Variants in RAB31 observed in about 807,000 individuals in gnomAD.
The protein encoded by RAB31 is ras-related protein Rab-31.
Under a neutral mutation model 25.6 loss-of-function variants are expected in RAB31, and 21 were observed. That is an observed-to-expected ratio of 0.82 (90% CI 0.58 to 1.18). RAB31 has a LOEUF of 1.18. Ranked by LOEUF, RAB31 falls within the 50% of genes most tolerant of loss-of-function variation. The pLI, the probability that RAB31 is intolerant of heterozygous loss-of-function variation, is 0.00. For missense variants in RAB31, 196 were observed against 250.1 expected (o/e 0.78, Z 1.46); for synonymous variants, 87 against 84.0 (o/e 1.04, Z -0.20).
chr18:9,724,098 C>A (rs7233366), intron 1 of RAB31, among the ~76,000 whole-genome samples: 14 of 150,460 alleles, frequency 9.3e-5, no homozygotes, highest in Non-Finnish European at 1.6e-4. Flanking sequence ...GGTGAAACCC[C>A]GTCTCTACTA....
intron 1 of RAB31, among the ~76,000 whole-genome samples, chr18:9,728,050 A>C (rs1484163917): frequency 6.6e-6 from 1 of 152,234 alleles, no homozygotes; most frequent in Admixed American, 6.5e-5. Flanking sequence ...TAAAATGAAA[A>C]GTAAAAAAGA....
intron 5 of RAB31, 108 bp from the exon 6 acceptor site, chr18:9,845,474 T>C: frequency 1.1e-6 from 1 of 933,392 alleles, no homozygotes; most frequent in East Asian, 3.0e-5. Flanking sequence ...ATTATTATTC[T>C]ACAAGAAGAT....
At chr18:9,789,491 A>G (rs2068449516) in intron 2 of RAB31, among the ~76,000 whole-genome samples, 1 of 152,256 alleles carries the variant, frequency 6.6e-6, no homozygotes, top group Admixed American at 6.5e-5. Flanking sequence ...ATCACTCTGT[A>G]TCCCATAAGA....
intron 6 of RAB31, among the ~76,000 whole-genome samples, chr18:9,846,325 C>A (rs2068761853): frequency 6.6e-6 from 1 of 152,198 alleles, no homozygotes; most frequent in South Asian, 2.1e-4. Flanking sequence ...GCTCTGCCAA[C>A]ACATCTATCT....
chr18:9,803,262 G>GTT, intron 3 of RAB31, among the ~76,000 whole-genome samples: 1 of 148,772 alleles, frequency 6.7e-6, no homozygotes, highest in African/African-American at 2.5e-5. Context: ...TTTAGGCAGG[G>GTT]TCTTGCTGTG....
At chr18:9,795,954 A>C (rs911333822) in intron 3 of RAB31, among the ~76,000 whole-genome samples, 41 of 152,324 alleles carry the variant, frequency 2.7e-4, no homozygotes, top group African/African-American at 9.1e-4. Flanking sequence ...CACAATTTGC[A>C]GTTGTAAAAA....
In RAB31 at chr18:9,774,545, T is replaced by C. The variant is rs533477110; in HGVS notation, c.40-733T>C. On this transcript the variant is annotated intron_variant, in intron 1 of 6. Coordinates refer to ENST00000578921, the MANE Select transcript of RAB31 (RefSeq NM_006868.4). ...CTCAGGGACCGCTTGTCCTCCTGGA[T>C]TTTGTTGATATCACTTGTCTGGTGT... 2.0e-5 allele frequency among the ~76,000 whole-genome samples: 3 copies of C among 152,344 alleles called. No homozygotes were observed. The South Asian group carries it at 6.2e-4, about 32-fold the overall frequency.
intron 6 of RAB31, among the ~76,000 whole-genome samples, chr18:9,853,953 C>A (rs1184003604): frequency 7.9e-6 from 1 of 126,282 alleles, no homozygotes; most frequent in Non-Finnish European, 1.7e-5. Context: ...TTTTTCTTTT[C>A]TTTTCTTTTC....
At chr18:9,794,888 C>A (rs904585547) in intron 3 of RAB31, among the ~76,000 whole-genome samples, 5 of 151,850 alleles carry the variant, frequency 3.3e-5, no homozygotes, top group Non-Finnish European at 7.4e-5. Context: ...TAGAAAAAAA[C>A]AATCCTAAAA....
intron 1 of RAB31, among the ~76,000 whole-genome samples, chr18:9,743,177 T>C (rs1261908980): frequency 6.6e-6 from 1 of 152,234 alleles, no homozygotes; most frequent in Non-Finnish European, 1.5e-5. Context: ...TTATTTTCCT[T>C]GAATTTTTTG....
chr18:9,710,423 T>C (rs1221341714), intron 1 of RAB31, among the ~76,000 whole-genome samples: 2 of 152,210 alleles, frequency 1.3e-5, no homozygotes, highest in African/African-American at 4.8e-5. Flanking sequence ...CCAAGAAAGA[T>C]ACACACTCTT....
chr18:9,834,595 C>G (rs2068695144), intron 5 of RAB31, among the ~76,000 whole-genome samples: 1 of 152,150 alleles, frequency 6.6e-6, no homozygotes, highest in East Asian at 1.9e-4. Context: ...ACAATATTTA[C>G]AGAGACATAA....
intron 5 of RAB31, among the ~76,000 whole-genome samples, chr18:9,840,266 G>A (rs76573270): frequency 3.2e-4 from 49 of 152,306 alleles, no homozygotes; most frequent in Non-Finnish European, 5.6e-4. Context: ...AGTCTTTACC[G>A]TCAAAACTAA....
chr18:9,816,136 CTCCATCCCTGAGT>C (rs2068598109), intron 5 of RAB31: 1 of 144,886 alleles, frequency 6.9e-6, no homozygotes, highest in Non-Finnish European at 1.4e-5. Flanking sequence ...AGATGCTGTC[CTCCATCCCTGAGT>C]GTCATCCCTG....
In RAB31 at chr18:9,747,600, C is replaced by G. The variant is rs1021242252; in HGVS notation, c.40-27678C>G. Among the ~76,000 whole-genome samples, 5 of 152,138 alleles carry G rather than the reference C, an allele frequency of 3.3e-5. No individual in the cohort carries two copies. The South Asian group carries it at 1.0e-3, about 31-fold the overall frequency. On this transcript the variant is annotated intron_variant, in intron 1 of 6. Transcript: ENST00000578921. Reference sequence around the variant, plus strand: ...AAAACATTATACTAAATGAGAGAAACCAGACACAAAAGGTCACATATTGTG... The same window carrying G: ...AAAACATTATACTAAATGAGAGAAAGCAGACACAAAAGGTCACATATTGTG...
chr18:9,851,091 G>A (rs917103133), intron 6 of RAB31, among the ~76,000 whole-genome samples: 2 of 152,146 alleles, frequency 1.3e-5, no homozygotes, highest in Admixed American at 6.5e-5. Flanking sequence ...AAGGTTTGCA[G>A]ATTTTATAAT....
At position 9,772,990 on chromosome 18, in the gene RAB31, T is replaced by G. The variant is rs2068353140; in HGVS notation, c.40-2288T>G. 2.0e-5 allele frequency among the ~76,000 whole-genome samples: 3 copies of G among 152,294 alleles called. No individual in the cohort carries two copies. The South Asian group carries it at 6.2e-4, about 32-fold the overall frequency. On this transcript the variant is annotated intron_variant, in intron 1 of 6. Coordinates refer to ENST00000578921, the MANE Select transcript of RAB31 (RefSeq NM_006868.4). ...GCTCAGAAATAGCAGCGGCATCAAT[T>G]GGCATCTCAGGAGCTGATGTTTTGA...
chr18:9,821,947 C>A (rs919611454), intron 5 of RAB31, among the ~76,000 whole-genome samples: 2 of 151,994 alleles, frequency 1.3e-5, no homozygotes, highest in African/African-American at 4.8e-5. Context: ...TTTTTGTAAA[C>A]ATAAATAAGC....
chr18:9,839,816 T>A (rs1453763640), intron 5 of RAB31, among the ~76,000 whole-genome samples: 2 of 152,132 alleles, frequency 1.3e-5, no homozygotes, highest in Non-Finnish European at 2.9e-5. Flanking sequence ...GTGTCCACCG[T>A]GGGAGGCAGT....
Sources: allele counts gnomAD v4.1 joint callset (sites outside exome capture counted in the v4.1 genomes callset), GRCh38; gene constraint gnomAD v4.1.1; transcripts MANE v1.5; gene names NCBI Gene and HGNC (gene_info 2026-07-23, HGNC 2026-07-21).